SIPA1L2: variants seen among roughly 807,000 people sequenced by gnomAD.
SIPA1L2 encodes the protein signal induced proliferation associated 1 like 2.
Under a neutral mutation model 163.9 loss-of-function variants are expected in SIPA1L2, and 56 were observed. That is an observed-to-expected ratio of 0.34 (90% CI 0.28 to 0.43). The LOEUF (loss-of-function observed/expected upper bound fraction) is 0.43. Ranked by LOEUF, SIPA1L2 falls within the 20% of genes least tolerant of loss-of-function variation. The pLI, the probability that SIPA1L2 is intolerant of heterozygous loss-of-function variation, is 1.00. For missense variants in SIPA1L2, 1,974 were observed against 2,193.5 expected, an observed-to-expected ratio of 0.90 and a Z score of 2.00; for synonymous variants, 877 against 865.7, an observed-to-expected ratio of 1.01 and a Z score of -0.23.
intron 2 of SIPA1L2, among the ~76,000 whole-genome samples, chr1:232,527,497 G>A (rs150447797): frequency 2.0e-3 from 309 of 152,252 alleles, no homozygotes; most frequent in Admixed American, 3.1e-3. Flanking sequence ...ACTGGATTTG[G>A]AATGTTTCAA....
chr1:232,526,952 T>C (rs1490567831), intron 2 of SIPA1L2, among the ~76,000 whole-genome samples: 1 of 152,128 alleles, frequency 6.6e-6, no homozygotes, highest in Non-Finnish European at 1.5e-5. Context: ...AAGCTTCCCA[T>C]ACCGCCGTCT....
intron 2 of SIPA1L2, among the ~76,000 whole-genome samples, chr1:232,557,162 T>G (rs796876): frequency 0.64 from 96,662 of 152,034 alleles, 32,073 homozygotes; most frequent in East Asian, 0.87. Context: ...TGTTTGTGGA[T>G]CCGGTCTCAT....
At chr1:232,516,416 T>C (rs1667221808) in intron 2 of SIPA1L2, among the ~76,000 whole-genome samples, 1 of 152,236 alleles carries the variant, frequency 6.6e-6, no homozygotes, top group South Asian at 2.1e-4. Context: ...CCAGTCATCC[T>C]TGATCCTTTT....
At chr1:232,409,471 G>T (rs1660826311) in intron 19 of SIPA1L2, among the ~76,000 whole-genome samples, 1 of 152,182 alleles carries the variant, frequency 6.6e-6, no homozygotes, top group Non-Finnish European at 1.5e-5. Flanking sequence ...CCATCAAGAG[G>T]TAGAGGTAGA....
At chr1:232,475,433 T>G (rs146116483) in intron 7 of SIPA1L2, among the ~76,000 whole-genome samples, 2 of 152,230 alleles carry the variant, frequency 1.3e-5, no homozygotes, top group East Asian at 3.8e-4. Flanking sequence ...ATATAAACTA[T>G]ACTCAAGAGT....
At chr1:232,525,851 AC>A (rs1667680503) in intron 2 of SIPA1L2, among the ~76,000 whole-genome samples, 1 of 152,172 alleles carries the variant, frequency 6.6e-6, no homozygotes, top group Non-Finnish European at 1.5e-5. Context: ...GAGTCTAATC[AC>A]CACCTGACAC....
chr1:232,603,460 G>A (rs1053202256), intron 1 of SIPA1L2, among the ~76,000 whole-genome samples: 1 of 152,142 alleles, frequency 6.6e-6, no homozygotes, highest in Non-Finnish European at 1.5e-5. Flanking sequence ...AGGGGAGGGA[G>A]GAGAACGAGG....
intron 10 of SIPA1L2, 99 bp downstream of exon 10, chr1:232,460,788 T>C (rs533284798): frequency 2.1e-6 from 3 of 1,418,608 alleles, no homozygotes; most frequent in Middle Eastern, 2.2e-4. Context: ...AAGACACACT[T>C]GACTGCATTT....
rs1665507239 is a variant in SIPA1L2, at chr1:232,483,803, A to G, written c.1970T>C (p.Leu657Pro). The G allele has an allele frequency of 6.2e-7, 1 of 1,613,838 alleles. No homozygotes were observed. Among genetic ancestry groups the G allele is most frequent in the African/African-American group, 1.3e-5 (1 of 74,898 alleles). ...LKGFSKYRAQ[L>P]DNKTDSTGTH... ...AACATTAAACTTACTCTTATTGTCT[A>G]GCTGAGCTCGATATTTACTAAATCC... is the stretch of plus-strand genomic sequence containing the variant. The change falls in exon 6 of 23, where the codon CTA becomes CCA. Residue 657 changes from leucine to proline, a missense_variant. This residue lies in a region of SIPA1L2 where 288 missense variants were observed against 418.9 expected (regional missense o/e 0.69). Coordinates refer to ENST00000674635, the MANE Select transcript of SIPA1L2 (RefSeq NM_020808.5).
intron 2 of SIPA1L2, among the ~76,000 whole-genome samples, chr1:232,552,211 G>A (rs1658434622): frequency 6.6e-6 from 1 of 152,118 alleles, no homozygotes; most frequent in African/African-American, 2.4e-5. Flanking sequence ...GCCTCACAAA[G>A]AGCAACCGGT....
chr1:232,462,246 C>A, intron 9 of SIPA1L2: 1 of 1,550,874 alleles, frequency 6.4e-7, no homozygotes, highest in Non-Finnish European at 8.7e-7. Flanking sequence ...AAGTATCACC[C>A]GATGACTATG....
At chr1:232,437,913 T>C (rs574489801) in intron 15 of SIPA1L2, among the ~76,000 whole-genome samples, 1 of 152,106 alleles carries the variant, frequency 6.6e-6, no homozygotes, top group South Asian at 2.1e-4. Context: ...GAAATGGTCA[T>C]GTGGAGTGGG....
intron 2 of SIPA1L2, among the ~76,000 whole-genome samples, chr1:232,556,509 G>T (rs1338922414): frequency 6.6e-6 from 1 of 152,066 alleles, no homozygotes; most frequent in African/African-American, 2.4e-5. Flanking sequence ...CAAAATCCAC[G>T]CAATTCAAAA....
chr1:232,546,002 C>A (rs181038221), intron 2 of SIPA1L2, among the ~76,000 whole-genome samples: 1 of 152,320 alleles, frequency 6.6e-6, no homozygotes, highest in East Asian at 1.9e-4. Context: ...CTGACGTAGG[C>A]ACAATCAGCA....
chr1:232,544,428 C>T (rs907685129), intron 2 of SIPA1L2, among the ~76,000 whole-genome samples: 9 of 152,028 alleles, frequency 5.9e-5, no homozygotes, highest in South Asian at 2.1e-4. Flanking sequence ...GGCGTGGTGG[C>T]AGGCGCCTGT....
chr1:232,409,189 A>T (rs971795341), intron 19 of SIPA1L2, among the ~76,000 whole-genome samples: 1 of 152,156 alleles, frequency 6.6e-6, no homozygotes, highest in Admixed American at 6.5e-5. Flanking sequence ...TAGTTTTTCA[A>T]CTATTTTTCT....
At chr1:232,511,568 A>C (rs549710309) in intron 3 of SIPA1L2, among the ~76,000 whole-genome samples, 1 of 152,326 alleles carries the variant, frequency 6.6e-6, no homozygotes, top group Middle Eastern at 3.4e-3. Flanking sequence ...TTTTAAGTCT[A>C]TACTCCATGA....
chr1:232,574,595 T>C (rs1445257707), intron 1 of SIPA1L2, among the ~76,000 whole-genome samples: 1 of 152,154 alleles, frequency 6.6e-6, no homozygotes, highest in Non-Finnish European at 1.5e-5. Flanking sequence ...TATAAAGGGG[T>C]TATTACCATC....
intron 1 of SIPA1L2, among the ~76,000 whole-genome samples, chr1:232,590,069 C>T (rs1300232327): frequency 6.6e-6 from 1 of 152,142 alleles, no homozygotes; most frequent in African/African-American, 2.4e-5. Flanking sequence ...CTGGAGTGTG[C>T]CTGCAATCCA....
Sources: gnomAD v4.1 joint callset for allele counts (sites outside exome capture counted in the v4.1 genomes callset) on GRCh38, gnomAD v4.1.1 for gene constraint, gnomAD v4.1.1 regional missense constraint, MANE v1.5 for transcripts, NCBI Gene and HGNC (gene_info 2026-07-23, HGNC 2026-07-21) for gene names.